ANKRD30A: variants seen among roughly 807,000 people sequenced by gnomAD.
ANKRD30A encodes the protein ankyrin repeat domain 30A.
In ANKRD30A, 170 loss-of-function variants were observed where a neutral mutation model predicts 166.3. The observed-to-expected ratio is 1.02, with a 90% CI of 0.90 to 1.16. The LOEUF (loss-of-function observed/expected upper bound fraction) is 1.16. ANKRD30A is among the 50% of genes most tolerant of loss of function. ANKRD30A has a pLI of 0.00. For synonymous variants in ANKRD30A, 564 were observed against 508.9 expected (o/e 1.11, Z -1.46); for missense variants, 1,630 against 1,518.0 (o/e 1.07, Z -1.23).
intron 31 of ANKRD30A, among the ~76,000 whole-genome samples, chr10:37,210,191 T>A (rs1842213591): frequency 6.6e-6 from 1 of 151,968 alleles, no homozygotes; most frequent in Non-Finnish European, 1.5e-5. Context: ...CAACTCCCAC[T>A]TATGAGTGAG....
chr10:37,241,356 A>T, the ANKRD30A span: 2 of 150,976 alleles, frequency 1.3e-5, no homozygotes, highest in African/African-American at 4.8e-5. Context: ...GCTTTTAATG[A>T]TTTTTTAATT....
At chr10:37,206,587 C>T (rs1030620160) in intron 31 of ANKRD30A, among the ~76,000 whole-genome samples, 2 of 151,996 alleles carry the variant, frequency 1.3e-5, no homozygotes, top group African/African-American at 4.8e-5. Flanking sequence ...GTCAGCAGTT[C>T]GAGACCAGCC....
rs544865340 is a variant in ANKRD30A, at chr10:37,201,181, C to A, written c.2779-54C>A. 3.0e-6 allele frequency: 4 copies of A among 1,346,348 alleles called. No individual in the cohort carries two copies. In the Admixed American group the frequency reaches 7.9e-5, roughly 27 times the overall value. The allele number at this position is 1,346,348 out of a possible 1,614,324, so 83.4% of individuals were successfully genotyped here. ...ATTTTAATTAGGAAATTTTGATAAT[C>A]TTCATTATTAGGATTTTTCCATTGA... On this transcript the variant is annotated intron_variant, in intron 30 of 35. Transcript: ENST00000361713.
chr10:37,263,964 G>T, the ANKRD30A span, among the ~76,000 whole-genome samples: 4 of 152,176 alleles, frequency 2.6e-5, no homozygotes, highest in Non-Finnish European at 5.9e-5. Flanking sequence ...ATTGTGAGTT[G>T]TGGAAGAAAG....
At chr10:37,251,687 A>G in the ANKRD30A span, among the ~76,000 whole-genome samples, 1 of 152,230 alleles carries the variant, frequency 6.6e-6, no homozygotes, top group Admixed American at 6.5e-5. Flanking sequence ...ACCATGGGCA[A>G]AGCAACATGA....
chr10:37,242,376 G>A, the ANKRD30A span, among the ~76,000 whole-genome samples: 1 of 152,088 alleles, frequency 6.6e-6, no homozygotes, highest in Non-Finnish European at 1.5e-5. Flanking sequence ...TATTTCTAAT[G>A]GTGGTATCTG....
At chr10:37,222,334 C>T (rs1842937123) in intron 34 of ANKRD30A, among the ~76,000 whole-genome samples, 2 of 151,340 alleles carry the variant, frequency 1.3e-5, no homozygotes, top group African/African-American at 2.4e-5. Context: ...CTGTTCTGAA[C>T]ATTTCATAGA....
At chr10:37,131,058 T>C (rs879823558) in intron 3 of ANKRD30A, among the ~76,000 whole-genome samples, 8 of 152,150 alleles carry the variant, frequency 5.3e-5, no homozygotes, top group Non-Finnish European at 7.3e-5. Context: ...TAAACAATGA[T>C]TTTTCTGTAT....
intron 31 of ANKRD30A, among the ~76,000 whole-genome samples, chr10:37,203,635 G>A (rs1326460875): frequency 1.3e-5 from 2 of 152,148 alleles, no homozygotes; most frequent in Non-Finnish European, 2.9e-5. Context: ...GTTCTGGCCA[G>A]GGCAATCACA....
chr10:37,199,759 A>C lies in ANKRD30A; in HGVS notation c.2749A>C (p.Lys917Gln). 2 of 1,581,302 alleles carry C rather than the reference A, an allele frequency of 1.3e-6. No homozygotes were observed. Among genetic ancestry groups the C allele is most frequent in the South Asian group, 2.3e-5 (2 of 88,846 alleles). Reference protein sequence around the residue: ...QMFPSESKQKKVEENSWDSES... With the variant: ...QMFPSESKQKQVEENSWDSES... ...GTTCCCTTCAGAATCAAAACAAAAG[A>C]AGGTTGAAGAAAATTCTTGGGATTC... Residue 917 changes from lysine to glutamine, a missense_variant, in exon 30 of 36, where the codon AAG becomes CAG. Around this residue, in one of 4 missense-constraint regions of ANKRD30A, gnomAD observed 712 missense variants for 629.3 expected, o/e 1.13. Coordinates refer to ENST00000361713, the MANE Select transcript of ANKRD30A (RefSeq NM_052997.3).
At chr10:37,165,836 G>A (rs916458956) in intron 18 of ANKRD30A, among the ~76,000 whole-genome samples, 10 of 152,160 alleles carry the variant, frequency 6.6e-5, no homozygotes, top group South Asian at 4.2e-4. Context: ...TCACAACGGC[G>A]GAAAGACATA....
intron 9 of ANKRD30A, among the ~76,000 whole-genome samples, chr10:37,148,484 T>G (rs556120005): frequency 8.5e-4 from 129 of 152,128 alleles, no homozygotes; most frequent in Non-Finnish European, 1.3e-3. Flanking sequence ...TTTTAAAAAT[T>G]TTTTTAGCAG....
chr10:37,205,301 G>A (rs368439374), intron 31 of ANKRD30A, among the ~76,000 whole-genome samples: 315 of 152,202 alleles, frequency 2.1e-3, no homozygotes, highest in Non-Finnish European at 3.8e-3. Context: ...CCTTTGTAGG[G>A]ACATGGATGA....
intron 8 of ANKRD30A, among the ~76,000 whole-genome samples, chr10:37,146,697 C>T (rs1049128810): frequency 9.2e-5 from 14 of 152,084 alleles, no homozygotes; most frequent in Non-Finnish European, 1.9e-4. Context: ...GAGTCAATAC[C>T]CTTAGAGGGT....
At chr10:37,191,858 G>A (rs1396947642) in intron 25 of ANKRD30A, among the ~76,000 whole-genome samples, 1 of 151,954 alleles carries the variant, frequency 6.6e-6, no homozygotes, top group African/African-American at 2.4e-5. Context: ...AGCCGGGCGT[G>A]GTGGTGGGTG....
the ANKRD30A span, among the ~76,000 whole-genome samples, chr10:37,242,216 C>G: frequency 6.6e-6 from 1 of 152,256 alleles, no homozygotes; most frequent in South Asian, 2.1e-4. Flanking sequence ...GCAGAATGTT[C>G]TTCAATTGAG....
At chr10:37,194,940 A>C (rs1288195604) in intron 27 of ANKRD30A, among the ~76,000 whole-genome samples, 5 of 152,172 alleles carry the variant, frequency 3.3e-5, no homozygotes, top group African/African-American at 1.2e-4. Flanking sequence ...ACGAATTGGA[A>C]AAGTCCTACT....
Position 37,200,059 on chromosome 10 carries a change from C to A in ANKRD30A, c.2778+271C>A, listed in dbSNP as rs183325403. ...AATTCACTAGAAATTCACATGGGATCTGAAGTACGTTTGTCTAAAAGCAAA... is the reference window on the plus strand; with the variant it reads ...AATTCACTAGAAATTCACATGGGATATGAAGTACGTTTGTCTAAAAGCAAA... On this transcript the variant is annotated intron_variant, in intron 30 of 35. Coordinates refer to ENST00000361713, the MANE Select transcript of ANKRD30A (RefSeq NM_052997.3). Among the ~76,000 whole-genome samples, 42 of 152,132 alleles carry A rather than the reference C, an allele frequency of 2.8e-4. No individual in the cohort carries two copies. In the East Asian group the frequency reaches 8.1e-3, roughly 29 times the overall value.
chr10:37,242,839 C>G, the ANKRD30A span, among the ~76,000 whole-genome samples: 1 of 152,174 alleles, frequency 6.6e-6, no homozygotes. Context: ...CTCACTGCAA[C>G]AGTACCAGGT....
Sources: gnomAD v4.1 joint callset for allele counts (sites outside exome capture counted in the v4.1 genomes callset) on GRCh38, gnomAD v4.1.1 for gene constraint, gnomAD v4.1.1 regional missense constraint, MANE v1.5 for transcripts, NCBI Gene and HGNC (gene_info 2026-07-23, HGNC 2026-07-21) for gene names.